The following TNRC18 variants were observed in gnomAD, a reference collection of about 807,000 sequenced individuals.
TNRC18 encodes trinucleotide repeat containing 18, also known as trinucleotide repeat-containing gene 18 protein.
A neutral mutation model predicts 226.7 loss-of-function variants in TNRC18; 69 were observed. The ratio of observed to expected loss-of-function variants is 0.30; its 90% CI spans 0.25 to 0.37. The LOEUF (loss-of-function observed/expected upper bound fraction) is 0.37, where lower values mean the gene tolerates loss of function less well. TNRC18 is among the 10% of genes least tolerant of loss of function. The pLI is 1.00. For synonymous variants in TNRC18, 2,449 were observed against 1,927.6 expected, an observed-to-expected ratio of 1.27 and a Z score of -7.09; for missense variants, 4,754 against 4,256.6, an observed-to-expected ratio of 1.12 and a Z score of -3.25.
chr7:5,397,926 G>A (rs1364823605), intron 2 of TNRC18, among the ~76,000 whole-genome samples: 1 of 152,198 alleles, frequency 6.6e-6, no homozygotes, highest in African/African-American at 2.4e-5. Flanking sequence ...ATATCACAGT[G>A]GCTGGAACCT....
In TNRC18 at chr7:5,374,262, C is replaced by T; in HGVS notation, c.3022G>A (p.Val1008Ile). The T allele has an allele frequency of 1.3e-6, 2 of 1,496,308 alleles. No homozygotes were observed. Among genetic ancestry groups the T allele is most frequent in the Non-Finnish European group, 8.9e-7 (1 of 1,122,798 alleles). 92.7% of individuals were successfully genotyped at this position (1,496,308 alleles called of 1,614,324 possible). ...ASPVAALKAKVIQKLEDVSKP... is the reference protein window; with the variant it reads ...ASPVAALKAKIIQKLEDVSKP... Reference sequence around the variant, plus strand: ...GACACGTCCTCCAGCTTCTGGATGACCTTGGCCTTCAGGGCAGCCACAGGG... The same window carrying T: ...GACACGTCCTCCAGCTTCTGGATGATCTTGGCCTTCAGGGCAGCCACAGGG... The change falls in exon 10 of 30, where the codon GTC (valine) becomes ATC (isoleucine). Residue 1008 changes from valine (V) to isoleucine (I), a missense_variant. By Grantham distance (29) the Val-to-Ile change is conservative. Transcript: ENST00000430969.
chr7:5,310,292 C>T (rs1050580995), intron 27 of TNRC18, among the ~76,000 whole-genome samples: 2 of 152,142 alleles, frequency 1.3e-5, no homozygotes, highest in Non-Finnish European at 2.9e-5. Flanking sequence ...TGCAGTGGCA[C>T]GATCTTGGCT....
rs535655870 is a variant in TNRC18, at chr7:5,379,560, T to C, written c.2153-1536A>G. On this transcript the variant is annotated intron_variant, in intron 5 of 29. Coordinates refer to ENST00000430969, the MANE Select transcript of TNRC18 (RefSeq NM_001080495.3). ...CTGAGTCCCAGGCCTGGCACATGGA[T>C]GGTCACCAGAGGAGAGGGGACAGGG... Among the ~76,000 whole-genome samples, 19 of 152,244 alleles carry C rather than the reference T, an allele frequency of 1.2e-4. 1 individual carries two copies. In the South Asian group the frequency reaches 3.5e-3, roughly 28 times the overall value.
At chr7:5,390,318 C>T in intron 4 of TNRC18, 167 bp downstream of exon 4, 1 of 726,852 alleles carries the variant, frequency 1.4e-6, no homozygotes. Context: ...ATGATCGCAC[C>T]ACTGCACTCC....
In TNRC18 at chr7:5,313,321, C is replaced by G; in HGVS notation, c.7570G>C (p.Asp2524His). ...KAPWPKATDG[D>H]LAQEPGPGLT... is the part of the protein sequence containing the mutation. Reference sequence around the variant, plus strand: ...CCCGGCCCGGGCTCCTGGGCGAGGTCCCCGTCGGTGGCCTTGGGCCAGGGT... The same window carrying G: ...CCCGGCCCGGGCTCCTGGGCGAGGTGCCCGTCGGTGGCCTTGGGCCAGGGT... Residue 2524 changes from aspartate (D) to histidine (H), a missense_variant, in exon 27 of 30, where the codon GAC (aspartate) becomes CAC (histidine). Coordinates refer to ENST00000430969, the MANE Select transcript of TNRC18 (RefSeq NM_001080495.3). 6.4e-7 allele frequency: 1 copy of G among 1,550,540 alleles called. No homozygotes were observed. Among genetic ancestry groups the G allele is most frequent in the Non-Finnish European group, 8.7e-7 (1 of 1,147,852 alleles).
At chr7:5,328,889 C>T (rs558050629) in intron 19 of TNRC18, among the ~76,000 whole-genome samples, 1 of 152,248 alleles carries the variant, frequency 6.6e-6, no homozygotes, top group South Asian at 2.1e-4. Context: ...TCAGAGGAGA[C>T]TGAGGCAGGA....
intron 27 of TNRC18, among the ~76,000 whole-genome samples, chr7:5,311,929 G>A (rs1479383487): frequency 3.3e-5 from 5 of 152,032 alleles, no homozygotes; most frequent in Non-Finnish European, 5.9e-5. Context: ...GGCCAGGAGA[G>A]TTTGAGATCA....
chr7:5,357,402 G>C lies in TNRC18; in HGVS notation c.4834-126C>G, dbSNP rs549517840. 142 of 1,043,552 alleles carry C rather than the reference G, an allele frequency of 1.4e-4. No individual in the cohort carries two copies. In the African/African-American group the frequency reaches 2.0e-3, roughly 15 times the overall value. The allele number at this position is 1,043,552 out of a possible 1,614,324, so 64.6% of individuals were successfully genotyped here. A position where few individuals can be genotyped will look rare whatever the true frequency, so the allele number is the denominator to read the frequency against. ...TGCCTCTGTGATTTAACTCCTCTTA[G>C]CACGCATATATATTTATTTTTTTTT... On this transcript the variant is annotated intron_variant, in intron 15 of 29. Transcript: ENST00000430969.
chr7:5,362,114 T>C (rs1243399780), intron 12 of TNRC18, 81 bp from the exon 13 acceptor site: 10 of 1,534,680 alleles, frequency 6.5e-6, no homozygotes, highest in East Asian at 2.3e-5. Flanking sequence ...GGGGTGCCCC[T>C]GAGGAAGGGG....
At position 5,324,077 on chromosome 7, in the gene TNRC18, G is replaced by A; in HGVS notation, c.6442+137C>T. ...CCTTCTCATCGACCCGGATAACTCA[G>A]CCTCAGGATCTCTGCTCCTGTGGTT... On this transcript the variant is annotated intron_variant, in intron 21 of 29. Coordinates refer to ENST00000430969, the MANE Select transcript of TNRC18 (RefSeq NM_001080495.3). The surrounding 1 kb of genome is among the most constrained non-coding windows in gnomAD (Gnocchi z 4.8). 1.0e-6 allele frequency: 1 copy of A among 982,964 alleles called. No homozygotes were observed. The highest frequency in any genetic ancestry group is 1.5e-6 in the Non-Finnish European group (1 of 681,836). The allele number at this position is 982,964 out of a possible 1,614,324, so 60.9% of individuals were successfully genotyped here. A position where few individuals can be genotyped will look rare whatever the true frequency, so the allele number is the denominator to read the frequency against.
In TNRC18 at chr7:5,345,668, G is replaced by A. The variant is rs953419231; in HGVS notation, c.5613C>T (p.Phe1871=). Residue 1871 remains phenylalanine (F), a synonymous_variant, in exon 18 of 30, where the codon TTC becomes TTT. Coordinates refer to ENST00000430969, the MANE Select transcript of TNRC18 (RefSeq NM_001080495.3). ...TGGGGCTGGGGAGGGCGCTGGCGGC[G>A]AAGCGTGCCAGCAGGCCCAGCCCAC... is the stretch of plus-strand genomic sequence containing the variant. ...EESGLGLLAR[F]AASALPSPTV... The A allele has an allele frequency of 2.2e-5, 34 of 1,551,880 alleles. No homozygotes were observed. The highest frequency in any genetic ancestry group is 7.1e-5 in the South Asian group (6 of 84,140).
chr7:5,362,593 G>A lies in TNRC18; in HGVS notation c.4395+57C>T, dbSNP rs1012993820. The A allele has an allele frequency of 7.5e-6, 11 of 1,461,840 alleles. No individual in the cohort carries two copies. The African/African-American group carries it at 1.4e-4, about 19-fold the overall frequency. 90.6% of individuals were successfully genotyped at this position (1,461,840 alleles called of 1,614,324 possible). A position where few individuals can be genotyped will look rare whatever the true frequency, so the allele number is the denominator to read the frequency against. On this transcript the variant is annotated intron_variant, in intron 12 of 29. Coordinates refer to ENST00000430969, the MANE Select transcript of TNRC18 (RefSeq NM_001080495.3). ...CAGGCAGTAGGGCACCTCCACAGAG[G>A]GGCCTCCCACCCAGCCTCCCCCGCG...
At chr7:5,327,947 C>T (rs1789102013) in intron 19 of TNRC18, among the ~76,000 whole-genome samples, 1 of 152,108 alleles carries the variant, frequency 6.6e-6, no homozygotes, top group South Asian at 2.1e-4. Flanking sequence ...GACAGCCAGG[C>T]GCGGTGGCTC....
In TNRC18 at chr7:5,377,316, G is replaced by GCC; in HGVS notation, c.2461+53_2461+54dup. ...AGCCCTGAGCTCTTGTCCTGCACCC[G>GCC]CCCCCTCCCACCCCTCCCTCAGAGA... is the stretch of plus-strand genomic sequence containing the variant. On this transcript the variant is annotated intron_variant, in intron 7 of 29. Transcript: ENST00000430969. This position sits in a 1 kb window ranked among gnomAD's most constrained non-coding sequence, Gnocchi z 5.8. 1.1e-5 allele frequency: 5 copies of GCC among 453,404 alleles called. No homozygotes were observed. The highest frequency in any genetic ancestry group is 1.2e-5 in the Non-Finnish European group (3 of 240,310). The allele number at this position is 453,404 out of a possible 1,614,324, so 28.1% of individuals were successfully genotyped here.
At chr7:5,402,121 G>T (rs146269436) in intron 2 of TNRC18, among the ~76,000 whole-genome samples, 2 of 148,648 alleles carry the variant, frequency 1.3e-5, no homozygotes, top group Admixed American at 1.4e-4. Flanking sequence ...GGAGCATGCC[G>T]TGAGCTGAGA....
chr7:5,345,450 T>A (rs1583850763), intron 18 of TNRC18, 112 bp downstream of exon 18: 2 of 1,116,214 alleles, frequency 1.8e-6, no homozygotes, highest in South Asian at 1.6e-5. Flanking sequence ...GTTCTGCCCA[T>A]TCCCAGCTCT....
At chr7:5,322,217 G>A (rs1402355194) in intron 21 of TNRC18, among the ~76,000 whole-genome samples, 1 of 152,144 alleles carries the variant, frequency 6.6e-6, no homozygotes, top group East Asian at 2.0e-4. Context: ...GGCAGAGGCT[G>A]CAGTGAGCCG....
At chr7:5,326,992 C>CGG (rs1562496495) in intron 19 of TNRC18, among the ~76,000 whole-genome samples, 3 of 152,030 alleles carry the variant, frequency 2.0e-5, no homozygotes, top group Non-Finnish European at 4.4e-5. Context: ...GGCATGGTGG[C>CGG]ACACGCCTGT....
At chr7:5,383,927 G>T (rs1249538176) in intron 5 of TNRC18, among the ~76,000 whole-genome samples, 2 of 149,600 alleles carry the variant, frequency 1.3e-5, no homozygotes, top group Admixed American at 1.3e-4. Flanking sequence ...TAAGTAGCTG[G>T]GACTACAGGC....
Sources: allele counts gnomAD v4.1 joint callset (sites outside exome capture counted in the v4.1 genomes callset), GRCh38; gene constraint gnomAD v4.1.1; non-coding constraint Gnocchi (gnomAD v3.1); transcripts MANE v1.5; gene names NCBI Gene and HGNC (gene_info 2026-07-23, HGNC 2026-07-21).